The following ORC5 variants were observed in gnomAD, a reference collection of about 807,000 sequenced individuals.
ORC5 encodes the protein origin recognition complex subunit 5.
ORC5 carries 39 observed loss-of-function variants against 58.8 expected under a neutral mutation model. The ratio of observed to expected loss-of-function variants is 0.66; its 90% CI spans 0.51 to 0.87. ORC5 has a LOEUF of 0.87. Among genes scored for constraint, ORC5 ranks in the 40% least tolerant of loss-of-function variants. The pLI is 0.00. For missense variants in ORC5, 493 were observed against 506.3 expected, an observed-to-expected ratio of 0.97 and a Z score of 0.25; for synonymous variants, 218 against 177.6, an observed-to-expected ratio of 1.23 and a Z score of -1.81.
In ORC5 at chr7:104,205,084, C is replaced by CTTTTTTTTTTTTTT. The variant is rs769195880; in HGVS notation, c.73-851_73-850insAAAAAAAAAAAAAA. Among the ~76,000 whole-genome samples the CTTTTTTTTTTTTTT allele has an allele frequency of 2.3e-4, 24 of 102,382 alleles. 3 individuals carry two copies. Among genetic ancestry groups the CTTTTTTTTTTTTTT allele is most frequent in the African/African-American group, 7.8e-4 (23 of 29,332 alleles). The allele number at this position is 102,382 out of a possible 152,430, so 67.2% of individuals were successfully genotyped here. A position where few individuals can be genotyped will look rare whatever the true frequency, so the allele number is the denominator to read the frequency against. On this transcript the variant is annotated intron_variant, in intron 1 of 13. Coordinates refer to ENST00000297431, the MANE Select transcript of ORC5 (RefSeq NM_002553.4). ...GGGAAAACTTGATTTTTTAATAATA[C>CTTTTTTTTTTTTTT]TCTTTTTTTTTTTTTTTTTTTTTGA...
At position 104,200,774 on chromosome 7, in the gene ORC5, T is replaced by C. The variant is rs772092816; in HGVS notation, c.350A>G (p.Asp117Gly). Residue 117 changes from aspartate (D) to glycine (G), a missense_variant, in exon 3 of 14, where the codon GAT becomes GGT. This residue lies in a region of ORC5 where 412 missense variants were observed against 403.7 expected (regional missense o/e 1.02). Transcript: ENST00000297431. The stretch of plus-strand genomic sequence containing the variant: ...ATTACTTACAATATATACAGTCTGA[T>C]CTTTAAGATTTTCAGCTGTGGTTAC... ...KQVTTAENLK[D>G]QTVYIVLDKA... is the part of the protein sequence containing the mutation. 3.8e-6 allele frequency: 6 copies of C among 1,595,364 alleles called. No individual in the cohort carries two copies. The highest frequency in any genetic ancestry group is 5.2e-6 in the Non-Finnish European group (6 of 1,163,708).
At chr7:104,137,555 G>A (rs1377032064) in intron 12 of ORC5, among the ~76,000 whole-genome samples, 1 of 152,098 alleles carries the variant, frequency 6.6e-6, no homozygotes, top group Non-Finnish European at 1.5e-5. Flanking sequence ...CCCCCATCCT[G>A]TGCCTATAAA....
Position 104,207,986 on chromosome 7 carries a change from G to T in ORC5, c.-82C>A. 1 of 1,354,444 alleles carries T rather than the reference G, an allele frequency of 7.4e-7. No individual in the cohort carries two copies. Among genetic ancestry groups the T allele is most frequent in the Non-Finnish European group, 1.0e-6 (1 of 955,644 alleles). The allele number at this position is 1,354,444 out of a possible 1,614,324, so 83.9% of individuals were successfully genotyped here. ...GACGGAGCCTCTCCCGAGTCTGGCG[G>T]CCCACGCTCCCGCCGGAAACCGGAC... On this transcript the variant is annotated 5_prime_UTR_variant, in exon 1 of 14. Transcript: ENST00000297431.
At chr7:104,193,661 C>T (rs576166028) in intron 5 of ORC5, among the ~76,000 whole-genome samples, 1 of 151,380 alleles carries the variant, frequency 6.6e-6, no homozygotes, top group South Asian at 2.1e-4. Flanking sequence ...ATAATTTCAA[C>T]TTATCAATTA....
intron 3 of ORC5, among the ~76,000 whole-genome samples, chr7:104,199,981 C>T (rs1022259252): frequency 6.6e-5 from 10 of 152,280 alleles, no homozygotes; most frequent in South Asian, 6.2e-4. Context: ...TCTGATCTGA[C>T]GATTTTATAA....
At chr7:104,161,322 CTAAGT>C (rs1799018666) in intron 11 of ORC5, 140 bp from the exon 12 acceptor site, 1 of 558,522 alleles carries the variant, frequency 1.8e-6, no homozygotes, top group Non-Finnish European at 3.2e-6. Flanking sequence ...CCTGCAAACT[CTAAGT>C]TAAAAGTTTA....
intron 2 of ORC5, 107 bp from the exon 3 acceptor site, chr7:104,201,065 A>C: frequency 1.2e-6 from 1 of 839,042 alleles, no homozygotes; most frequent in Non-Finnish European, 1.9e-6. Flanking sequence ...TATCCCACCA[A>C]ACCCACCCCA....
intron 12 of ORC5, among the ~76,000 whole-genome samples, chr7:104,156,656 C>T (rs1033955272): frequency 6.6e-6 from 1 of 151,696 alleles, no homozygotes; most frequent in African/African-American, 2.4e-5. Context: ...ATAAAAATAG[C>T]ATATCACTAT....
At position 104,148,469 on chromosome 7, in the gene ORC5, CAG is replaced by C. The variant is rs954691208; in HGVS notation, c.1150-11578_1150-11577del. Among the ~76,000 whole-genome samples, 6 of 152,066 alleles carry C rather than the reference CAG, an allele frequency of 3.9e-5. No homozygotes were observed. In the East Asian group the frequency reaches 1.2e-3, roughly 29 times the overall value. On this transcript the variant is annotated intron_variant, in intron 12 of 13. Transcript: ENST00000297431. ...AGGAGAGCAGGCAATGCAAGTAAAACAGAGAAAAAGCCTTAAATGAAATTGTA... is the reference window on the plus strand; with the variant it reads ...AGGAGAGCAGGCAATGCAAGTAAAACAGAAAAAGCCTTAAATGAAATTGTA...
intron 12 of ORC5, among the ~76,000 whole-genome samples, chr7:104,156,671 T>C (rs571840259): frequency 1.4e-3 from 217 of 151,884 alleles, no homozygotes; most frequent in African/African-American, 4.8e-3. Context: ...CACTATAAAA[T>C]AAATTCTTAA....
At chr7:104,165,444 A>G (rs909557704) in intron 10 of ORC5, 162 bp from the exon 11 acceptor site, 5 of 481,238 alleles carry the variant, frequency 1.0e-5, no homozygotes, top group African/African-American at 8.2e-5. Context: ...AGACTTCAAC[A>G]TATTTTAGGC....
intron 11 of ORC5, 90 bp from the exon 12 acceptor site, chr7:104,161,272 T>C: frequency 4.3e-6 from 3 of 700,138 alleles, no homozygotes; most frequent in Non-Finnish European, 7.6e-6. Context: ...CAATGTATTT[T>C]TGTTATATAT....
intron 8 of ORC5, among the ~76,000 whole-genome samples, chr7:104,176,975 C>T (rs1799335000): frequency 6.6e-6 from 1 of 152,098 alleles, no homozygotes; most frequent in Non-Finnish European, 1.5e-5. Flanking sequence ...TAAATAAGAC[C>T]AATTGAATAT....
intron 5 of ORC5, among the ~76,000 whole-genome samples, chr7:104,194,043 C>T (rs971812592): frequency 1.6e-4 from 24 of 148,968 alleles, no homozygotes; most frequent in Non-Finnish European, 3.1e-4. Flanking sequence ...TTTTTCAGTA[C>T]TTAAAATGGG....
intron 2 of ORC5, 123 bp downstream of exon 2, chr7:104,204,019 T>G: frequency 1.9e-6 from 1 of 516,858 alleles, no homozygotes; most frequent in East Asian, 3.2e-5. Flanking sequence ...AGAAAGATAA[T>G]ATGGGAAGGA....
intron 3 of ORC5, among the ~76,000 whole-genome samples, chr7:104,198,148 T>G (rs1390190913): frequency 6.6e-6 from 1 of 152,242 alleles, no homozygotes; most frequent in Admixed American, 6.5e-5. Context: ...AACCTTTGAC[T>G]TCCTAACCTC....
intron 8 of ORC5, 62 bp downstream of exon 8, chr7:104,183,881 G>T: frequency 1.9e-6 from 2 of 1,078,792 alleles, no homozygotes; most frequent in South Asian, 2.9e-5. Context: ...TATTTAAGTT[G>T]AGAGAGTATA....
intron 11 of ORC5, among the ~76,000 whole-genome samples, chr7:104,162,671 G>C (rs1455836473): frequency 6.6e-6 from 1 of 152,144 alleles, no homozygotes; most frequent in Non-Finnish European, 1.5e-5. Context: ...ATATATAAAA[G>C]AGTACAGAAG....
chr7:104,157,637 T>C (rs983336358), intron 12 of ORC5, among the ~76,000 whole-genome samples: 1 of 152,126 alleles, frequency 6.6e-6, no homozygotes, highest in Non-Finnish European at 1.5e-5. Context: ...TCAGAGCAGC[T>C]AGTAAATCTC....
Sources: gnomAD v4.1 joint callset for allele counts (sites outside exome capture counted in the v4.1 genomes callset) on GRCh38, gnomAD v4.1.1 for gene constraint, gnomAD v4.1.1 regional missense constraint, MANE v1.5 for transcripts, NCBI Gene and HGNC (gene_info 2026-07-23, HGNC 2026-07-21) for gene names.